Variants in PCDH15 observed in about 807,000 individuals in gnomAD.
PCDH15 encodes the protein protocadherin related 15.
In PCDH15, 129 loss-of-function variants were observed where a neutral mutation model predicts 178.5. The observed-to-expected ratio is 0.72, with a 90% CI of 0.63 to 0.84. The LOEUF is 0.84. Ranked by LOEUF, PCDH15 falls within the 40% of genes least tolerant of loss-of-function variation. The pLI, the probability that PCDH15 is intolerant of heterozygous loss-of-function variation, is 0.00. For synonymous variants in PCDH15, 800 were observed against 732.0 expected (o/e 1.09, Z -1.50); for missense variants, 2,230 against 2,099.9 (o/e 1.06, Z -1.21).
chr10:55,163,455 G>A (rs1194697319), intron 2 of PCDH15, among the ~76,000 whole-genome samples: 8 of 152,018 alleles, frequency 5.3e-5, no homozygotes, highest in South Asian at 2.1e-4. Flanking sequence ...AGAGGCATTC[G>A]AACCAAAGAG....
intron 2 of PCDH15, among the ~76,000 whole-genome samples, chr10:54,907,977 T>A (rs533189864): frequency 1.3e-5 from 2 of 152,296 alleles, no homozygotes; most frequent in Non-Finnish European, 2.9e-5. Flanking sequence ...GACAGAATAT[T>A]CTGCTGGGAG....
chr10:54,462,370 G>A (rs192036809), intron 3 of PCDH15, among the ~76,000 whole-genome samples: 20 of 151,766 alleles, frequency 1.3e-4, no homozygotes, highest in Admixed American at 4.6e-4. Flanking sequence ...TATTTGCTGC[G>A]TTTATTTTGC....
At chr10:53,840,233 A>G in intron 29 of PCDH15, 87 bp downstream of exon 29, 1 of 1,464,834 alleles carries the variant, frequency 6.8e-7, no homozygotes. Flanking sequence ...TGGGTTTTAA[A>G]CTTTAAGTAC....
intron 2 of PCDH15, among the ~76,000 whole-genome samples, chr10:55,392,970 C>A (rs751565364): frequency 7.0e-6 from 1 of 143,746 alleles, no homozygotes; most frequent in Non-Finnish European, 1.5e-5. Flanking sequence ...AATCTAAGAA[C>A]TAAAGTGTAT....
intron 3 of PCDH15, among the ~76,000 whole-genome samples, chr10:54,476,268 A>G (rs976451428): frequency 6.6e-6 from 1 of 151,912 alleles, no homozygotes; most frequent in Non-Finnish European, 1.5e-5. Context: ...AAGGCCCCTC[A>G]TGCTGCCTGA....
At chr10:54,435,008 A>G (rs1452740651) in intron 3 of PCDH15, among the ~76,000 whole-genome samples, 1 of 151,994 alleles carries the variant, frequency 6.6e-6, no homozygotes, top group African/African-American at 2.4e-5. Context: ...GGGTTTAGTG[A>G]GATTTAGTAT....
chr10:55,183,431 G>A (rs981037955), intron 1 of PCDH15, among the ~76,000 whole-genome samples: 6 of 151,752 alleles, frequency 4.0e-5, no homozygotes, highest in African/African-American at 7.3e-5. Context: ...TAAGAAAAGC[G>A]CTCTATACAC....
At chr10:55,567,294 G>C (rs1481928920) in intron 2 of PCDH15, among the ~76,000 whole-genome samples, 1 of 151,908 alleles carries the variant, frequency 6.6e-6, no homozygotes, top group Non-Finnish European at 1.5e-5. Flanking sequence ...ATGGATCCAT[G>C]ACCTAAATGG....
At chr10:53,925,633 A>G (rs1042021968) in intron 25 of PCDH15, among the ~76,000 whole-genome samples, 4 of 152,226 alleles carry the variant, frequency 2.6e-5, no homozygotes, top group Admixed American at 6.5e-5. Flanking sequence ...TTGCCTCGAC[A>G]GGGAATCTCC....
At chr10:55,155,586 G>A (rs1403748716) in intron 2 of PCDH15, among the ~76,000 whole-genome samples, 1 of 151,514 alleles carries the variant, frequency 6.6e-6, no homozygotes, top group Non-Finnish European at 1.5e-5. Context: ...GCCTCATTTA[G>A]GGGCAAAGAT....
chr10:55,134,272 C>G (rs1838132833), intron 2 of PCDH15, among the ~76,000 whole-genome samples: 1 of 152,132 alleles, frequency 6.6e-6, no homozygotes, highest in Non-Finnish European at 1.5e-5. Context: ...CCTGGAAATT[C>G]TTTCTCTAGT....
In PCDH15 at chr10:54,494,856, GA is replaced by G. The variant is rs2079964707; in HGVS notation, c.157+32955del. ...AGGCAAGGAAGGACAAGAAGTAAAA[GA>G]GGATGTCTTGGTGGGGTTGAATCCA... is the stretch of plus-strand genomic sequence containing the variant. On this transcript the variant is annotated intron_variant, in intron 3 of 37. Transcript: ENST00000644397. 2.0e-5 allele frequency among the ~76,000 whole-genome samples: 3 copies of G among 152,192 alleles called. No individual in the cohort carries two copies. In the East Asian group the frequency reaches 5.8e-4, roughly 29 times the overall value.
chr10:53,817,007 A>G (rs911885526), intron 34 of PCDH15, among the ~76,000 whole-genome samples: 2 of 152,188 alleles, frequency 1.3e-5, no homozygotes, highest in Non-Finnish European at 2.9e-5. Flanking sequence ...TGGGGTTAGT[A>G]ACTCTTTGGA....
At chr10:55,200,966 C>T (rs980578695) in intron 1 of PCDH15, among the ~76,000 whole-genome samples, 2 of 152,074 alleles carry the variant, frequency 1.3e-5, no homozygotes, top group African/African-American at 4.8e-5. Context: ...ATCACCCACT[C>T]TCAAGTAATT....
chr10:54,150,535 C>T (rs917933816), intron 14 of PCDH15, among the ~76,000 whole-genome samples: 3 of 151,588 alleles, frequency 2.0e-5, no homozygotes, highest in African/African-American at 7.3e-5. Context: ...TCTCTGAATC[C>T]TACTTTTTTT....
chr10:54,272,802 T>A lies in PCDH15; in HGVS notation c.877-35871A>T, dbSNP rs183690732. Among the ~76,000 whole-genome samples, 444 of 152,246 alleles carry A rather than the reference T, an allele frequency of 2.9e-3. 5 individuals are homozygous for A. The highest frequency in any genetic ancestry group is 9.7e-3 in the African/African-American group (403 of 41,560). The stretch of plus-strand genomic sequence containing the variant: ...ATCTGTTTATATGCCACTTATAAAA[T>A]CATACTTAATAATATAGTACACTTA... On this transcript the variant is annotated intron_variant, in intron 8 of 37. Coordinates refer to ENST00000644397, the MANE Select transcript of PCDH15 (RefSeq NM_001384140.1).
chr10:55,507,507 TAAAG>T (rs1240446552), intron 2 of PCDH15, among the ~76,000 whole-genome samples: 1 of 151,576 alleles, frequency 6.6e-6, no homozygotes, highest in Non-Finnish European at 1.5e-5. Context: ...AAAATAAAAA[TAAAG>T]AAACCCAAGT....
intron 2 of PCDH15, among the ~76,000 whole-genome samples, chr10:55,566,245 A>C (rs969340652): frequency 2.0e-5 from 3 of 151,738 alleles, no homozygotes; most frequent in Admixed American, 6.6e-5. Context: ...GCATTTGGCA[A>C]AATTTTATAC....
chr10:54,780,244 G>C (rs766189285), intron 1 of PCDH15, among the ~76,000 whole-genome samples: 1 of 152,140 alleles, frequency 6.6e-6, no homozygotes, highest in Non-Finnish European at 1.5e-5. Context: ...TATTTTAAGA[G>C]AAAGAGAAAT....
Sources: allele counts gnomAD v4.1 joint callset (sites outside exome capture counted in the v4.1 genomes callset), GRCh38; gene constraint gnomAD v4.1.1; transcripts MANE v1.5; gene names NCBI Gene and HGNC (gene_info 2026-07-23, HGNC 2026-07-21).